Variants in GRK3 observed in about 807,000 individuals in gnomAD.
GRK3 encodes adrenergic, beta, receptor kinase 2.
In GRK3, 54 loss-of-function variants were observed where a neutral mutation model predicts 95.7. The observed-to-expected ratio is 0.56, with a 90% CI of 0.45 to 0.71. GRK3 has a LOEUF of 0.71. Ranked by LOEUF, GRK3 falls within the 30% of genes least tolerant of loss-of-function variation. The pLI is 0.00. For synonymous variants in GRK3, 281 were observed against 290.8 expected (o/e 0.97, Z 0.34); for missense variants, 649 against 851.2 (o/e 0.76, Z 2.96).
At chr22:25,607,294 A>G (rs1369156504) in intron 2 of GRK3, among the ~76,000 whole-genome samples, 1 of 152,092 alleles carries the variant, frequency 6.6e-6, no homozygotes, top group Non-Finnish European at 1.5e-5. Context: ...GAAATTTATC[A>G]TGATTCTTAG....
At chr22:25,654,568 C>T (rs890699195) in intron 3 of GRK3, among the ~76,000 whole-genome samples, 3 of 152,192 alleles carry the variant, frequency 2.0e-5, no homozygotes, top group Non-Finnish European at 4.4e-5. Context: ...GAATCATAAT[C>T]AGGCATTTTA....
chr22:25,645,420 A>G (rs2084773898), intron 3 of GRK3, among the ~76,000 whole-genome samples: 2 of 152,174 alleles, frequency 1.3e-5, no homozygotes, highest in African/African-American at 4.8e-5. Flanking sequence ...ATTGCAGAAA[A>G]GGTTTCTGGA....
At chr22:25,696,750 G>A (rs781519464) in intron 13 of GRK3, among the ~76,000 whole-genome samples, 4 of 152,140 alleles carry the variant, frequency 2.6e-5, no homozygotes, top group Non-Finnish European at 5.9e-5. Flanking sequence ...CCTCTGTTTC[G>A]TCAGGACTCT....
At chr22:25,716,983 A>T (rs1010376196) in intron 18 of GRK3, among the ~76,000 whole-genome samples, 1 of 152,202 alleles carries the variant, frequency 6.6e-6, no homozygotes, top group African/African-American at 2.4e-5. Context: ...GATCTGAAGT[A>T]GCACAGTTTG....
chr22:25,650,612 T>G (rs956705183), intron 3 of GRK3, among the ~76,000 whole-genome samples: 8 of 152,110 alleles, frequency 5.3e-5, no homozygotes, highest in African/African-American at 1.9e-4. Context: ...ATGTGAAAGT[T>G]TTACAAGAAG....
intron 13 of GRK3, among the ~76,000 whole-genome samples, chr22:25,700,868 C>G (rs1000982190): frequency 2.0e-5 from 3 of 152,128 alleles, no homozygotes; most frequent in Non-Finnish European, 4.4e-5. Context: ...ACAGGCGTGA[C>G]CCACCGCGCC....
At chr22:25,662,487 A>T (rs982119808) in intron 4 of GRK3, among the ~76,000 whole-genome samples, 6 of 152,244 alleles carry the variant, frequency 3.9e-5, no homozygotes, top group African/African-American at 1.4e-4. Flanking sequence ...TGTCACAGCA[A>T]GTCCTATTGG....
chr22:25,571,643 G>A (rs913193199), intron 1 of GRK3, among the ~76,000 whole-genome samples: 2 of 152,166 alleles, frequency 1.3e-5, no homozygotes, highest in Non-Finnish European at 2.9e-5. Flanking sequence ...TCTTGCAAGT[G>A]CTGTGGTGCC....
intron 1 of GRK3, among the ~76,000 whole-genome samples, chr22:25,585,559 G>GTAAA (rs1932270924): frequency 1.3e-5 from 2 of 152,140 alleles, no homozygotes; most frequent in African/African-American, 4.8e-5. Context: ...CTTGGGAGAG[G>GTAAA]CTTTAGTTTA....
At chr22:25,627,601 G>A (rs1402991012) in intron 2 of GRK3, among the ~76,000 whole-genome samples, 1 of 152,196 alleles carries the variant, frequency 6.6e-6, no homozygotes, top group Non-Finnish European at 1.5e-5. Context: ...CTTCCTTTAA[G>A]TAAATTTATC....
chr22:25,663,629 G>A lies in GRK3; in HGVS notation c.367-1G>A. On this transcript the variant is annotated splice_acceptor_variant, in intron 4 of 20. Coordinates refer to ENST00000324198, the MANE Select transcript of GRK3 (RefSeq NM_005160.4). LOFTEE classifies it high-confidence loss of function. ...AAAAATATTATTTTTGACTTTGATA[G>A]CCTTTCTCAAAGCAAGCTGTAGAAC... 1 of 1,598,206 alleles carries A rather than the reference G, an allele frequency of 6.3e-7. No homozygotes were observed.
chr22:25,709,152 T>C (rs914098984), intron 15 of GRK3, among the ~76,000 whole-genome samples: 13 of 151,642 alleles, frequency 8.6e-5, no homozygotes, highest in African/African-American at 2.9e-4. Context: ...GTTCTCCTGC[T>C]TCAGCCTTCC....
chr22:25,685,187 A>G lies in GRK3; in HGVS notation c.765A>G (p.Val255=). ...LVSTGDCPFI[V]CMTYAFHTPD... ...CACTCTAGGACTGTCCTTTCATTGT[A>G]TGTATGACCTATGCCTTCCATACCC... The change falls in exon 10 of 21, where the codon GTA becomes GTG. Residue 255 remains valine, a synonymous_variant. Coordinates refer to ENST00000324198, the MANE Select transcript of GRK3 (RefSeq NM_005160.4). 6.2e-7 allele frequency: 1 copy of G among 1,613,050 alleles called. No homozygotes were observed. Among genetic ancestry groups the G allele is most frequent in the South Asian group, 1.1e-5 (1 of 91,060 alleles).
intron 1 of GRK3, among the ~76,000 whole-genome samples, chr22:25,589,646 A>G (rs565815557): frequency 6.6e-6 from 1 of 152,330 alleles, no homozygotes; most frequent in Admixed American, 6.5e-5. Flanking sequence ...GAAAATTTTA[A>G]ACATTTACAG....
chr22:25,703,635 C>A, intron 14 of GRK3, 59 bp downstream of exon 14: 1 of 1,209,656 alleles, frequency 8.3e-7, no homozygotes, highest in Non-Finnish European at 1.2e-6. Context: ...TTCATTCCGT[C>A]AATAATAAAA....
intron 13 of GRK3, among the ~76,000 whole-genome samples, chr22:25,698,276 A>G (rs111613724): frequency 0.029 from 4,399 of 151,954 alleles, 80 homozygotes; most frequent in African/African-American, 0.05. Flanking sequence ...GAGAGAAAGA[A>G]GGAAGGAAGG....
intron 2 of GRK3, among the ~76,000 whole-genome samples, chr22:25,605,817 G>T (rs1327527975): frequency 6.6e-6 from 1 of 152,188 alleles, no homozygotes; most frequent in Admixed American, 6.5e-5. Context: ...CCACATGAAG[G>T]GAATCACACA....
intron 2 of GRK3, among the ~76,000 whole-genome samples, chr22:25,641,201 C>A (rs1178105781): frequency 6.6e-6 from 1 of 152,148 alleles, no homozygotes; most frequent in Admixed American, 6.5e-5. Flanking sequence ...GAACTAAGTC[C>A]TTGGCTTATT....
At chr22:25,670,989 G>A (rs1489569652) in intron 6 of GRK3, among the ~76,000 whole-genome samples, 2 of 151,432 alleles carry the variant, frequency 1.3e-5, no homozygotes, top group East Asian at 3.9e-4. Context: ...GGGAGGCGGA[G>A]TTTGCAGTGA....
Sources: allele counts gnomAD v4.1 joint callset (sites outside exome capture counted in the v4.1 genomes callset), GRCh38; gene constraint gnomAD v4.1.1; transcripts MANE v1.5; gene names NCBI Gene and HGNC (gene_info 2026-07-23, HGNC 2026-07-21).